Variants in PRKN observed in about 807,000 individuals in gnomAD.
The protein encoded by PRKN is parkin RBR E3 ubiquitin protein ligase.
Under a neutral mutation model 59.5 loss-of-function variants are expected in PRKN, and 56 were observed. The ratio of observed to expected loss-of-function variants is 0.94; its 90% CI spans 0.76 to 1.18. The LOEUF (loss-of-function observed/expected upper bound fraction) is 1.18. Among genes scored for constraint, PRKN ranks in the 50% most tolerant of loss-of-function variants. The pLI is 0.00. For missense variants in PRKN, 657 were observed against 596.4 expected (o/e 1.10, Z -1.06); for synonymous variants, 250 against 222.1 (o/e 1.13, Z -1.12).
intron 1 of PRKN, among the ~76,000 whole-genome samples, chr6:162,662,262 GTTAC>G (rs1424973833): frequency 3.3e-5 from 5 of 149,322 alleles, no homozygotes; most frequent in Non-Finnish European, 7.4e-5. Context: ...TTTTAATGAG[GTTAC>G]TTTTTTTTTT....
chr6:161,986,511 G>A lies in PRKN; in HGVS notation c.619-13094C>T, dbSNP rs1182819367. ...GTGTCCTTTTTTTTTTTTTTTTTAA[G>A]ACTTTGATATTCCATCTTTTGAGTT... On this transcript the variant is annotated intron_variant, in intron 5 of 11. Transcript: ENST00000366898. Among the ~76,000 whole-genome samples, 12 of 138,370 alleles carry A rather than the reference G, an allele frequency of 8.7e-5. No individual in the cohort carries two copies. In the East Asian group the frequency reaches 2.3e-3, roughly 26 times the overall value. The allele number at this position is 138,370 out of a possible 152,430, so 90.8% of individuals were successfully genotyped here. A position where few individuals can be genotyped will look rare whatever the true frequency, so the allele number is the denominator to read the frequency against.
At chr6:162,107,681 A>G (rs1368209392) in intron 4 of PRKN, among the ~76,000 whole-genome samples, 1 of 152,102 alleles carries the variant, frequency 6.6e-6, no homozygotes, top group Non-Finnish European at 1.5e-5. Context: ...CCTCAACAAC[A>G]CTGTTCCTTT....
intron 6 of PRKN, among the ~76,000 whole-genome samples, chr6:161,918,705 A>G (rs980214594): frequency 1.3e-5 from 2 of 152,204 alleles, no homozygotes; most frequent in South Asian, 4.1e-4. Flanking sequence ...CGGGAAAACA[A>G]GCCAGTGCAC....
At chr6:162,351,014 A>C (rs1432868504) in intron 2 of PRKN, among the ~76,000 whole-genome samples, 1 of 151,776 alleles carries the variant, frequency 6.6e-6, no homozygotes, top group Non-Finnish European at 1.5e-5. Flanking sequence ...CGAGACCCTG[A>C]CTCTATAAAA....
chr6:162,467,319 G>T (rs909150536), intron 1 of PRKN, among the ~76,000 whole-genome samples: 4 of 152,120 alleles, frequency 2.6e-5, no homozygotes, highest in African/African-American at 9.7e-5. Context: ...GAATGAATGT[G>T]TAGTATACCA....
intron 1 of PRKN, among the ~76,000 whole-genome samples, chr6:162,511,006 G>A (rs1777591020): frequency 6.6e-6 from 1 of 151,776 alleles, no homozygotes; most frequent in Non-Finnish European, 1.5e-5. Context: ...CCTACATTTG[G>A]GAAGAAAAGT....
chr6:161,522,289 A>G (rs1158380809), intron 9 of PRKN, among the ~76,000 whole-genome samples: 2 of 152,214 alleles, frequency 1.3e-5, no homozygotes, highest in Admixed American at 1.3e-4. Flanking sequence ...AGGGAGGTAG[A>G]GGAGAGGGCT....
intron 2 of PRKN, among the ~76,000 whole-genome samples, chr6:162,419,460 T>G (rs986476982): frequency 6.6e-6 from 1 of 152,094 alleles, no homozygotes; most frequent in African/African-American, 2.4e-5. Context: ...AATAAATAAA[T>G]GTACAAGAAT....
At position 162,692,684 on chromosome 6, in the gene PRKN, T is replaced by G. The variant is rs768625932; in HGVS notation, c.7+34978A>C. On this transcript the variant is annotated intron_variant, in intron 1 of 11. Transcript: ENST00000366898. ...GAGAATTAGGAACTGTCCACACAAA[T>G]CCACCAGGACAGGACAACCAGAAAC... Among the ~76,000 whole-genome samples the G allele has an allele frequency of 2.8e-4, 43 of 152,178 alleles. 1 individual carries two copies. The highest frequency in any genetic ancestry group is 5.9e-4 in the Non-Finnish European group (40 of 68,020).
intron 1 of PRKN, among the ~76,000 whole-genome samples, chr6:162,490,971 T>C (rs761505630): frequency 4.6e-5 from 7 of 152,018 alleles, no homozygotes; most frequent in African/African-American, 1.4e-4. Flanking sequence ...TGGTGTCTAC[T>C]AAAAATACAA....
In PRKN at chr6:161,480,294, G is replaced by A. The variant is rs955950594; in HGVS notation, c.1083+68560C>T. Among the ~76,000 whole-genome samples the A allele has an allele frequency of 2.0e-5, 3 of 149,734 alleles. No homozygotes were observed. Among genetic ancestry groups the A allele is most frequent in the Non-Finnish European group, 3.0e-5 (2 of 67,246 alleles). Reference sequence around the variant, plus strand: ...TTAGCAGTAGAGCCTCAAACTCTGGGGGGCCCTGTGAGTATGGGGCCCTGT... The same window carrying A: ...TTAGCAGTAGAGCCTCAAACTCTGGAGGGCCCTGTGAGTATGGGGCCCTGT... On this transcript the variant is annotated intron_variant, in intron 9 of 11. Transcript: ENST00000366898. This position sits in a 1 kb window ranked among gnomAD's most constrained non-coding sequence, Gnocchi z 4.1.
intron 6 of PRKN, among the ~76,000 whole-genome samples, chr6:161,858,952 C>T (rs1241718666): frequency 2.8e-5 from 3 of 108,762 alleles, no homozygotes; most frequent in East Asian, 9.8e-4. Context: ...ACCTCCGTCT[C>T]CTGGGTTCAA....
intron 1 of PRKN, among the ~76,000 whole-genome samples, chr6:162,499,708 T>C (rs2128187503): frequency 6.6e-6 from 1 of 152,330 alleles, no homozygotes; most frequent in Middle Eastern, 3.4e-3. Context: ...TGTGGCTACC[T>C]GACATTTTCT....
rs73786210 is a variant in PRKN at position 162,332,039 on chromosome 6, T to A, written c.172-69274A>T. The stretch of plus-strand genomic sequence containing the variant: ...TATGTAGTTAAAATGTCACCCCTAC[T>A]CTTCCTTCCCAAGAACTCTGCCATC... On this transcript the variant is annotated intron_variant, in intron 2 of 11. Transcript: ENST00000366898. 9.1e-3 allele frequency among the ~76,000 whole-genome samples: 1,385 copies of A among 152,266 alleles called. 16 individuals are homozygous for A. Among genetic ancestry groups the A allele is most frequent in the African/African-American group, 0.032 (1,327 of 41,550 alleles).
chr6:162,022,130 G>C (rs1783231248), intron 5 of PRKN, among the ~76,000 whole-genome samples: 1 of 151,802 alleles, frequency 6.6e-6, no homozygotes, highest in Non-Finnish European at 1.5e-5. Context: ...TCATTACTTT[G>C]CTATTGTGAA....
chr6:161,876,755 T>C (rs576004640), intron 6 of PRKN, among the ~76,000 whole-genome samples: 6 of 152,262 alleles, frequency 3.9e-5, no homozygotes, highest in African/African-American at 1.4e-4. Context: ...TATTCTCCTA[T>C]CACAGTTGGA....
intron 7 of PRKN, among the ~76,000 whole-genome samples, chr6:161,672,557 C>T (rs1236247803): frequency 1.3e-5 from 2 of 152,164 alleles, no homozygotes; most frequent in African/African-American, 2.4e-5. Flanking sequence ...CAGTGGATCA[C>T]CTGAGGTCAG....
chr6:162,531,547 A>T (rs973401796), intron 1 of PRKN, among the ~76,000 whole-genome samples: 7 of 152,030 alleles, frequency 4.6e-5, no homozygotes, highest in Admixed American at 3.3e-4. Context: ...GTCTTCCTGC[A>T]TTCAGTCAGT....
At chr6:162,091,886 A>G (rs1055486966) in intron 4 of PRKN, among the ~76,000 whole-genome samples, 1 of 152,018 alleles carries the variant, frequency 6.6e-6, no homozygotes, top group African/African-American at 2.4e-5. Flanking sequence ...AATTACAAAT[A>G]TTAGCCGGGC....
Sources: allele counts gnomAD v4.1 joint callset (sites outside exome capture counted in the v4.1 genomes callset), GRCh38; gene constraint gnomAD v4.1.1; non-coding constraint Gnocchi (gnomAD v3.1); transcripts MANE v1.5; gene names NCBI Gene and HGNC (gene_info 2026-07-23, HGNC 2026-07-21).